Variants in AP2A1 observed in about 807,000 individuals in gnomAD.
AP2A1 encodes AP-2 complex subunit alpha-1.
AP2A1 carries 21 observed loss-of-function variants against 107.3 expected under a neutral mutation model. That is an observed-to-expected ratio of 0.20 (90% CI 0.14 to 0.28). The LOEUF (loss-of-function observed/expected upper bound fraction) is 0.28, where lower values mean the gene tolerates loss of function less well. Ranked by LOEUF, AP2A1 falls within the 10% of genes least tolerant of loss-of-function variation. The pLI, the probability that AP2A1 is intolerant of heterozygous loss-of-function variation, is 1.00. For synonymous variants in AP2A1, 602 were observed against 564.8 expected (o/e 1.07, Z -0.93); for missense variants, 873 against 1,307.7 (o/e 0.67, Z 5.13).
chr19:49,783,617 C>T (rs951161440), intron 4 of AP2A1, among the ~76,000 whole-genome samples: 2 of 152,116 alleles, frequency 1.3e-5, no homozygotes, highest in African/African-American at 4.8e-5. Context: ...AAATGAGGAG[C>T]ACACAGGCCA....
chr19:49,775,721 GA>G lies in AP2A1; in HGVS notation c.68-6035del, dbSNP rs1329375357. The stretch of plus-strand genomic sequence containing the variant: ...CCCAGCCTTCAGAAGGCTTTCTGAG[GA>G]TTCAGGGCTGCTGGGGCTTGTACAG... On this transcript the variant is annotated intron_variant, in intron 1 of 22. Coordinates refer to ENST00000354293, the MANE Select transcript of AP2A1 (RefSeq NM_130787.3). Among the ~76,000 whole-genome samples, 5 of 152,300 alleles carry G rather than the reference GA, an allele frequency of 3.3e-5. No individual in the cohort carries two copies. In the East Asian group the frequency reaches 9.6e-4, roughly 29 times the overall value.
rs181508268 is a variant in AP2A1 at position 49,792,688 on chromosome 19, C to A, written c.604-303C>A. On this transcript the variant is annotated intron_variant, in intron 5 of 22. Transcript: ENST00000354293. ...CATCACCTGCGCACCAGCGCAGAAACCTTGACTGTCCCACCCCCACAGTCC... is the reference window on the plus strand; with the variant it reads ...CATCACCTGCGCACCAGCGCAGAAAACTTGACTGTCCCACCCCCACAGTCC... 1.6e-4 allele frequency among the ~76,000 whole-genome samples: 25 copies of A among 152,284 alleles called. No individual in the cohort carries two copies. The East Asian group carries it at 4.8e-3, about 29-fold the overall frequency.
chr19:49,778,097 ATATT>A (rs1397545687), intron 1 of AP2A1, among the ~76,000 whole-genome samples: 8 of 152,320 alleles, frequency 5.3e-5, no homozygotes, highest in African/African-American at 9.6e-5. Flanking sequence ...ATTTGTGTAT[ATATT>A]TAAATCATTT....
At position 49,805,587 on chromosome 19, in the gene AP2A1, T is replaced by C; in HGVS notation, c.2468+11T>C. On this transcript the variant is annotated intron_variant, in intron 19 of 22. Transcript: ENST00000354293. ...GTCCGTGCGCTTCCGGTGAGTCAGG[T>C]ACGGCGCGGCCGGTGGGCGGAGCCT... 2 of 1,568,290 alleles carry C rather than the reference T, an allele frequency of 1.3e-6. No individual in the cohort carries two copies. The highest frequency in any genetic ancestry group is 1.7e-6 in the Non-Finnish European group (2 of 1,156,500).
chr19:49,787,314 C>G (rs1344776414), intron 4 of AP2A1, among the ~76,000 whole-genome samples: 3 of 148,418 alleles, frequency 2.0e-5, no homozygotes, highest in African/African-American at 5.0e-5. Flanking sequence ...TGAGCCACCA[C>G]TCCCATCTAG....
At chr19:49,802,560 G>A (rs1323372030) in intron 15 of AP2A1, 7 of 1,606,118 alleles carry the variant, frequency 4.4e-6, no homozygotes, top group African/African-American at 1.3e-5. Context: ...GCCCCCGAGA[G>A]CCCCATGGCT....
intron 1 of AP2A1, among the ~76,000 whole-genome samples, chr19:49,781,131 A>G (rs907891070): frequency 6.6e-6 from 1 of 152,134 alleles, no homozygotes; most frequent in African/African-American, 2.4e-5. Context: ...TTCTGTGCTT[A>G]TTCCACAAGC....
In AP2A1 at chr19:49,768,303, A is replaced by G. The variant is rs535004532; in HGVS notation, c.67+1103A>G. ...GCTGTGGGTGATTGGAGCTGCCAGG[A>G]GTCTTCAGAGGCTGCATCCGCATGG... is the stretch of plus-strand genomic sequence containing the variant. On this transcript the variant is annotated intron_variant, in intron 1 of 22. Coordinates refer to ENST00000354293, the MANE Select transcript of AP2A1 (RefSeq NM_130787.3). Among the ~76,000 whole-genome samples, 54 of 152,108 alleles carry G rather than the reference A, an allele frequency of 3.6e-4. 1 individual carries two copies. In the Middle Eastern group the frequency reaches 0.01, roughly 29 times the overall value.
chr19:49,782,464 CTG>C, intron 3 of AP2A1, 65 bp from the exon 4 acceptor site: 1 of 1,520,256 alleles, frequency 6.6e-7, no homozygotes, highest in Non-Finnish European at 8.9e-7. Flanking sequence ...ACTCCTGGGT[CTG>C]AGGGTTGGAT....
intron 1 of AP2A1, among the ~76,000 whole-genome samples, chr19:49,773,186 G>C (rs568854734): frequency 6.6e-6 from 1 of 152,184 alleles, no homozygotes; most frequent in Non-Finnish European, 1.5e-5. Context: ...GGCCCAGCCC[G>C]AGGGCGTGTT....
rs2073409794 is a variant in AP2A1 at position 49,806,956 on chromosome 19, T to C, written c.*198T>C. 2 of 1,529,956 alleles carry C rather than the reference T, an allele frequency of 1.3e-6. No homozygotes were observed. Among genetic ancestry groups the C allele is most frequent in the African/African-American group, 1.4e-5 (1 of 71,674 alleles). 94.8% of individuals were successfully genotyped at this position (1,529,956 alleles called of 1,614,324 possible). On this transcript the variant is annotated 3_prime_UTR_variant, in exon 23 of 23. Transcript: ENST00000354293. ...TTACATTCTGGGGGGTTAGGGGGAG[T>C]CCCCCTCCCTCCCTTTCCCCCCCAA...
rs376107444 is a variant in AP2A1, at chr19:49,788,316, C to T, written c.474-3619C>T. Among the ~76,000 whole-genome samples, 11 of 152,276 alleles carry T rather than the reference C, an allele frequency of 7.2e-5. No individual in the cohort carries two copies. The highest frequency in any genetic ancestry group is 2.4e-4 in the African/African-American group (10 of 41,552). On this transcript the variant is annotated intron_variant, in intron 4 of 22. Transcript: ENST00000354293. The surrounding 1 kb of genome is among the most constrained non-coding windows in gnomAD (Gnocchi z 4.5). Reference sequence around the variant, plus strand: ...TGTAGTTTAACATTTTCCTAAGTAGCGCCATAGCCCTTATTCCACTTAACC... The same window carrying T: ...TGTAGTTTAACATTTTCCTAAGTAGTGCCATAGCCCTTATTCCACTTAACC...
At chr19:49,781,588 C>A (rs1395923333) in intron 1 of AP2A1, among the ~76,000 whole-genome samples, 169 bp from the exon 2 acceptor site, 1 of 152,008 alleles carries the variant, frequency 6.6e-6, no homozygotes, top group African/African-American at 2.4e-5. Context: ...TGGTTCTTCC[C>A]TCTTTGAAAC....
At chr19:49,806,542 T>A in intron 22 of AP2A1, 139 bp from the exon 23 acceptor site, 1 of 1,475,354 alleles carries the variant, frequency 6.8e-7, no homozygotes, top group Non-Finnish European at 9.0e-7. Flanking sequence ...TCTGTTGATT[T>A]CAGTCTTACA....
In AP2A1 at chr19:49,802,991, T is replaced by C. The variant is rs1265305204; in HGVS notation, c.2157T>C (p.Asp719=). The change falls in exon 16 of 23, where the codon GAT becomes GAC. Residue 719 remains aspartate, a synonymous_variant. Transcript: ENST00000354293. ...TCGGCCCTCCCATTCCGGAAGCCGA[T>C]GAGTTGCTGAATAAGTGAGTCCTGG... ...EDIGPPIPEA[D]ELLNKFVCKN... is the part of the protein sequence containing the mutation. 3.1e-6 allele frequency: 5 copies of C among 1,606,404 alleles called. No individual in the cohort carries two copies. The highest frequency in any genetic ancestry group is 1.1e-5 in the South Asian group (1 of 90,908).
rs1238071753 is a variant in AP2A1 at position 49,802,000 on chromosome 19, C to A, written c.1973C>A (p.Ala658Asp). 1 of 1,533,202 alleles carries A rather than the reference C, an allele frequency of 6.5e-7. No individual in the cohort carries two copies. The highest frequency in any genetic ancestry group is 1.2e-5 in the South Asian group (1 of 82,120). The allele number at this position is 1,533,202 out of a possible 1,614,324, so 95.0% of individuals were successfully genotyped here. A position where few individuals can be genotyped will look rare whatever the true frequency, so the allele number is the denominator to read the frequency against. ...CTACAGTCGACGCCCTCGCCCTCCG[C>A]CGACCTCCTGGGGCTGCGGGCAGCC... ...PSTVSTPSPS[A>D]DLLGLRAAPP... Residue 658 changes from alanine to aspartate, a missense_variant, in exon 15 of 23, where the codon GCC becomes GAC. By Grantham distance (126) the Ala-to-Asp change is moderately radical. Coordinates refer to ENST00000354293, the MANE Select transcript of AP2A1 (RefSeq NM_130787.3).
chr19:49,793,009 G>A lies in AP2A1; in HGVS notation c.622G>A (p.Val208Ile), dbSNP rs556873406. 59 of 1,606,594 alleles carry A rather than the reference G, an allele frequency of 3.7e-5. No individual in the cohort carries two copies. Among genetic ancestry groups the A allele is most frequent in the Non-Finnish European group, 4.8e-5 (56 of 1,176,732 alleles). The change falls in exon 6 of 23, where the codon GTC becomes ATC. Residue 208 changes from valine (V) to isoleucine (I), a missense_variant. By Grantham distance (29) the Val-to-Ile change is conservative. Around this residue, in one of 4 missense-constraint regions of AP2A1, gnomAD observed 157 missense variants for 212.6 expected, o/e 0.74. Coordinates refer to ENST00000354293, the MANE Select transcript of AP2A1 (RefSeq NM_130787.3). ...CCTGCAGGGTGTGGTCACGGCCGCC[G>A]TCAGCCTCATCACCTGTCTCTGCAA... is the stretch of plus-strand genomic sequence containing the variant. ...DQHMGVVTAA[V>I]SLITCLCKKN... is the part of the protein sequence containing the mutation.
At position 49,805,886 on chromosome 19, in the gene AP2A1, C is replaced by T. The variant is rs773977936; in HGVS notation, c.2600C>T (p.Ala867Val). Residue 867 changes from alanine (A) to valine (V), a missense_variant, in exon 21 of 23, where the codon GCG becomes GTG. By Grantham distance (64) the Ala-to-Val change is moderately conservative. Coordinates refer to ENST00000354293, the MANE Select transcript of AP2A1 (RefSeq NM_130787.3). ...WKQLSLPQQE[A>V]QKIFKANHPM... ...CCGGTCCCCAGCCCTCAACAGGAGGCGCAGAAAATCTTCAAAGCCAACCAC... is the reference window on the plus strand; with the variant it reads ...CCGGTCCCCAGCCCTCAACAGGAGGTGCAGAAAATCTTCAAAGCCAACCAC... 8 of 1,613,704 alleles carry T rather than the reference C, an allele frequency of 5.0e-6. No homozygotes were observed. The Admixed American group carries it at 8.3e-5, about 17-fold the overall frequency.
intron 18 of AP2A1, chr19:49,803,954 T>A: frequency 6.3e-6 from 1 of 157,810 alleles, no homozygotes; most frequent in Admixed American, 6.1e-5. Flanking sequence ...AAACTCCTTC[T>A]GGCCGGGCAT....
Sources: gnomAD v4.1 joint callset for allele counts (sites outside exome capture counted in the v4.1 genomes callset) on GRCh38, gnomAD v4.1.1 for gene constraint, gnomAD v4.1.1 regional missense constraint, Gnocchi (gnomAD v3.1) non-coding constraint, MANE v1.5 for transcripts, NCBI Gene and HGNC (gene_info 2026-07-23, HGNC 2026-07-21) for gene names.